Variants in ME1 observed in about 807,000 individuals in gnomAD.
The protein encoded by ME1 is malic enzyme 1, also known as NADP-dependent malic enzyme.
ME1 carries 74 observed loss-of-function variants against 66.4 expected under a neutral mutation model. The ratio of observed to expected loss-of-function variants is 1.11; its 90% CI spans 0.92 to 1.35. The LOEUF (loss-of-function observed/expected upper bound fraction) is 1.35, where lower values mean the gene tolerates loss of function less well. Among genes scored for constraint, ME1 ranks in the 40% most tolerant of loss-of-function variants. The pLI, the probability that ME1 is intolerant of heterozygous loss-of-function variation, is 0.00. For missense variants in ME1, 750 were observed against 694.1 expected, an observed-to-expected ratio of 1.08 and a Z score of -0.90; for synonymous variants, 251 against 235.6, an observed-to-expected ratio of 1.07 and a Z score of -0.60.
At chr6:83,406,637 A>G (rs536915244) in intron 2 of ME1, among the ~76,000 whole-genome samples, 1 of 152,310 alleles carries the variant, frequency 6.6e-6, no homozygotes, top group South Asian at 2.1e-4. Flanking sequence ...AATCCATAGC[A>G]AACATGGTGT....
At position 83,212,112 on chromosome 6, in the gene ME1, A is replaced by G. The variant is rs1789901722; in HGVS notation, c.1549-18T>C. Reference sequence around the variant, plus strand: ...TTCACAATCTAGATATAAGAAAAGAATATTAATTATTTTAATAAATAGAGG... The same window carrying G: ...TTCACAATCTAGATATAAGAAAAGAGTATTAATTATTTTAATAAATAGAGG... On this transcript the variant is annotated intron_variant, in intron 13 of 13. Transcript: ENST00000369705. 3.2e-6 allele frequency: 5 copies of G among 1,548,082 alleles called. No homozygotes were observed. The highest frequency in any genetic ancestry group is 1.8e-6 in the Non-Finnish European group (2 of 1,139,434).
At chr6:83,317,307 T>G in intron 5 of ME1, among the ~76,000 whole-genome samples, 1 of 152,224 alleles carries the variant, frequency 6.6e-6, no homozygotes, top group Non-Finnish European at 1.5e-5. Context: ...AAGGAACTGG[T>G]CTTCCATTTG....
chr6:83,379,820 T>A (rs890087528), intron 3 of ME1, among the ~76,000 whole-genome samples: 2 of 152,156 alleles, frequency 1.3e-5, no homozygotes, highest in African/African-American at 4.8e-5. Context: ...ATTTGATATT[T>A]GAGAACTGTA....
At chr6:83,301,340 T>TCTC (rs1562474438) in intron 6 of ME1, among the ~76,000 whole-genome samples, 3 of 76,320 alleles carry the variant, frequency 3.9e-5, no homozygotes, top group Admixed American at 1.5e-4. Flanking sequence ...CTCTCTCTCT[T>TCTC]TCTTTCTTTC....
rs530661839 is a variant in ME1, at chr6:83,243,119, A to G, written c.815-3483T>C. ...CCCCCAAAAATTTTTTTTTTAAATT[A>G]GCTGGGTGTGATGGTACATGCCTGT... On this transcript the variant is annotated intron_variant, in intron 7 of 13. Coordinates refer to ENST00000369705, the MANE Select transcript of ME1 (RefSeq NM_002395.6). 2.7e-4 allele frequency among the ~76,000 whole-genome samples: 41 copies of G among 150,882 alleles called. 1 individual carries two copies. The East Asian group carries it at 7.6e-3, about 28-fold the overall frequency.
At chr6:83,375,018 G>A (rs1769260436) in intron 3 of ME1, among the ~76,000 whole-genome samples, 1 of 152,164 alleles carries the variant, frequency 6.6e-6, no homozygotes, top group Non-Finnish European at 1.5e-5. Context: ...ATAGTTTGAA[G>A]TCAGGTAGCA....
chr6:83,360,517 T>G (rs1368790441), intron 3 of ME1, among the ~76,000 whole-genome samples: 1 of 152,154 alleles, frequency 6.6e-6, no homozygotes, highest in Admixed American at 6.5e-5. Flanking sequence ...ATAATTGGCA[T>G]AGACATACTT....
intron 3 of ME1, among the ~76,000 whole-genome samples, chr6:83,355,944 GT>G (rs1183814863): frequency 6.6e-6 from 1 of 151,852 alleles, no homozygotes; most frequent in Non-Finnish European, 1.5e-5. Flanking sequence ...TTTTGTTCTT[GT>G]TTCATGTTAG....
intron 12 of ME1, among the ~76,000 whole-genome samples, chr6:83,219,148 A>C (rs1790042874): frequency 6.6e-6 from 1 of 152,228 alleles, no homozygotes; most frequent in Non-Finnish European, 1.5e-5. Context: ...AAATAAAACC[A>C]TTTTATGTTA....
chr6:83,244,873 A>G (rs1471187728), intron 7 of ME1, among the ~76,000 whole-genome samples: 3 of 152,074 alleles, frequency 2.0e-5, no homozygotes, highest in Admixed American at 1.3e-4. Flanking sequence ...ATTATCAAAG[A>G]GGTAAAAGAG....
chr6:83,329,196 T>C (rs1768360083), intron 5 of ME1, among the ~76,000 whole-genome samples: 1 of 152,128 alleles, frequency 6.6e-6, no homozygotes. Context: ...CACTGAAAAG[T>C]AAAATTAAAA....
At chr6:83,213,449 A>C (rs1358075617) in intron 13 of ME1, among the ~76,000 whole-genome samples, 3 of 151,834 alleles carry the variant, frequency 2.0e-5, no homozygotes, top group South Asian at 2.1e-4. Flanking sequence ...ACAAAACAAA[A>C]AACAACAACA....
intron 6 of ME1, among the ~76,000 whole-genome samples, chr6:83,288,423 A>G (rs2128534370): frequency 6.6e-6 from 1 of 152,194 alleles, no homozygotes; most frequent in Middle Eastern, 3.4e-3. Flanking sequence ...TCTTTTCCCT[A>G]TTGCTTGTGT....
chr6:83,269,681 G>A (rs1235803025), intron 6 of ME1, among the ~76,000 whole-genome samples: 3 of 152,066 alleles, frequency 2.0e-5, no homozygotes, highest in African/African-American at 7.2e-5. Flanking sequence ...AAAAGAGATT[G>A]GGAAAGAAGT....
At chr6:83,213,659 G>A (rs1368020448) in intron 13 of ME1, among the ~76,000 whole-genome samples, 3 of 152,028 alleles carry the variant, frequency 2.0e-5, no homozygotes, top group Admixed American at 1.3e-4. Flanking sequence ...GAGCCACCGT[G>A]CCCAGCCGAA....
At chr6:83,395,362 C>T (rs1353335565) in intron 3 of ME1, among the ~76,000 whole-genome samples, 1 of 151,954 alleles carries the variant, frequency 6.6e-6, no homozygotes, top group African/African-American at 2.4e-5. Context: ...CCTGGAATTA[C>T]AGGTGTGAGC....
intron 10 of ME1, 34 bp from the exon 11 acceptor site, chr6:83,227,511 T>A: frequency 6.6e-7 from 1 of 1,518,768 alleles, no homozygotes. Context: ...TAATTAACAC[T>A]ATCATTGGTT....
intron 7 of ME1, among the ~76,000 whole-genome samples, chr6:83,243,311 T>C (rs1458608451): frequency 7.1e-6 from 1 of 141,662 alleles, no homozygotes; most frequent in East Asian, 2.0e-4. Flanking sequence ...AATATACAAT[T>C]ATATGTAATT....
chr6:83,289,640 A>G (rs959842193), intron 6 of ME1, among the ~76,000 whole-genome samples: 19 of 152,154 alleles, frequency 1.2e-4, no homozygotes, highest in African/African-American at 4.3e-4. Flanking sequence ...GGATGATGCT[A>G]GCCTCATAAA....
Sources: gnomAD v4.1 joint callset for allele counts (sites outside exome capture counted in the v4.1 genomes callset) on GRCh38, gnomAD v4.1.1 for gene constraint, MANE v1.5 for transcripts, NCBI Gene and HGNC (gene_info 2026-07-23, HGNC 2026-07-21) for gene names.